Variants in DCLK1 observed in about 807,000 individuals in gnomAD.
The protein encoded by DCLK1 is serine/threonine-protein kinase DCLK1.
Under a neutral mutation model 86.2 loss-of-function variants are expected in DCLK1, and 16 were observed. The observed-to-expected ratio is 0.19, with a 90% CI of 0.13 to 0.28. The LOEUF (loss-of-function observed/expected upper bound fraction) is 0.28. Ranked by LOEUF, DCLK1 falls within the 10% of genes least tolerant of loss-of-function variation. The pLI is 1.00. For missense variants in DCLK1, 590 were observed against 940.2 expected, an observed-to-expected ratio of 0.63 and a Z score of 4.87; for synonymous variants, 369 against 370.5, an observed-to-expected ratio of 1.00 and a Z score of 0.05.
rs57621661 is a variant in DCLK1, at chr13:35,772,312, T to C, written c.*2223A>G. The stretch of plus-strand genomic sequence containing the variant: ...ACCGCAGGCTCAGTACACTAGATGC[T>C]GTAGCAATATAGTTAATGCCCACAG... On this transcript the variant is annotated 3_prime_UTR_variant, in exon 17 of 17. Coordinates refer to ENST00000360631, the MANE Select transcript of DCLK1 (RefSeq NM_001330071.2). 1.3e-5 allele frequency: 2 copies of C among 152,246 alleles called. No homozygotes were observed. Among genetic ancestry groups the C allele is most frequent in the East Asian group, 3.9e-4 (2 of 5,162 alleles). 9.4% of individuals were successfully genotyped at this position (152,246 alleles called of 1,614,324 possible).
chr13:35,786,438 T>C (rs1186701209), intron 16 of DCLK1, among the ~76,000 whole-genome samples: 2 of 152,202 alleles, frequency 1.3e-5, no homozygotes, highest in African/African-American at 4.8e-5. Flanking sequence ...ATTCGATTTC[T>C]ATAGAGTACA....
intron 6 of DCLK1, among the ~76,000 whole-genome samples, chr13:35,844,495 T>C (rs1283987337): frequency 1.3e-5 from 2 of 152,180 alleles, no homozygotes; most frequent in Non-Finnish European, 2.9e-5. Context: ...GAACCATTTG[T>C]CCCAAGGAGA....
chr13:35,833,831 C>T (rs1196594384), intron 8 of DCLK1, among the ~76,000 whole-genome samples: 1 of 152,142 alleles, frequency 6.6e-6, no homozygotes, highest in Non-Finnish European at 1.5e-5. Flanking sequence ...AGGGCACATG[C>T]CATATGTCCT....
intron 2 of DCLK1, among the ~76,000 whole-genome samples, chr13:36,122,264 G>C (rs1886019359): frequency 6.6e-6 from 1 of 152,096 alleles, no homozygotes; most frequent in East Asian, 1.9e-4. Context: ...TATGCAAACT[G>C]CAGCTCCAGA....
chr13:35,868,635 A>C (rs2153114161), intron 5 of DCLK1, among the ~76,000 whole-genome samples: 1 of 152,266 alleles, frequency 6.6e-6, no homozygotes, highest in Non-Finnish European at 1.5e-5. Context: ...ACTAATTGAT[A>C]CGGTTTCATT....
intron 16 of DCLK1, among the ~76,000 whole-genome samples, chr13:35,790,573 C>T (rs1436020152): frequency 1.3e-5 from 2 of 151,942 alleles, no homozygotes; most frequent in Non-Finnish European, 2.9e-5. Context: ...CTGGGGAGAG[C>T]GTATATACCT....
intron 14 of DCLK1, among the ~76,000 whole-genome samples, chr13:35,807,182 T>C (rs949003743): frequency 6.6e-6 from 1 of 152,238 alleles, no homozygotes; most frequent in African/African-American, 2.4e-5. Flanking sequence ...GTAAGATTTT[T>C]ATAGCCTTCT....
chr13:35,886,171 C>T (rs909977518), intron 4 of DCLK1, among the ~76,000 whole-genome samples: 2 of 152,020 alleles, frequency 1.3e-5, no homozygotes, highest in Non-Finnish European at 2.9e-5. Context: ...GCCACCATGC[C>T]TGGCTAATTT....
rs191339513 is a variant in DCLK1, at chr13:36,077,434, C to G, written c.723+34435G>C. Among the ~76,000 whole-genome samples, 515 of 152,240 alleles carry G rather than the reference C, an allele frequency of 3.4e-3. 2 individuals are homozygous for G. The highest frequency in any genetic ancestry group is 5.7e-3 in the Non-Finnish European group (390 of 68,036). On this transcript the variant is annotated intron_variant, in intron 3 of 16. Coordinates refer to ENST00000360631, the MANE Select transcript of DCLK1 (RefSeq NM_001330071.2). ...TCCCCCTGGAAATGGGTCACAGAGG[C>G]AGTTTGGCAATTTTTGTTAAGAGGG...
intron 2 of DCLK1, among the ~76,000 whole-genome samples, chr13:36,119,804 A>C (rs1054496074): frequency 4.6e-5 from 7 of 152,210 alleles, no homozygotes; most frequent in Non-Finnish European, 1.0e-4. Flanking sequence ...TGATTCTGGA[A>C]TGAAAAAAGG....
intron 3 of DCLK1, among the ~76,000 whole-genome samples, chr13:35,956,234 G>A (rs1376570128): frequency 6.6e-6 from 1 of 152,170 alleles, no homozygotes; most frequent in African/African-American, 2.4e-5. Context: ...GAGTGTTCAA[G>A]ATTAAGGGTG....
chr13:36,127,633 A>C (rs950105037), intron 1 of DCLK1, among the ~76,000 whole-genome samples: 5 of 152,198 alleles, frequency 3.3e-5, no homozygotes, highest in Non-Finnish European at 7.3e-5. Context: ...TTTTATTAAT[A>C]AAATCTGTTT....
intron 15 of DCLK1, among the ~76,000 whole-genome samples, chr13:35,795,116 C>A (rs1288429669): frequency 1.3e-5 from 2 of 152,164 alleles, no homozygotes; most frequent in Admixed American, 6.5e-5. Context: ...GGAGAAAGGG[C>A]ATATTTTCTG....
At chr13:35,933,854 C>A (rs1240896715) in intron 4 of DCLK1, among the ~76,000 whole-genome samples, 1 of 152,226 alleles carries the variant, frequency 6.6e-6, no homozygotes, top group African/African-American at 2.4e-5. Context: ...GTTACTTATG[C>A]AAATTTCTGC....
chr13:35,920,012 G>A (rs1321820713), intron 4 of DCLK1, among the ~76,000 whole-genome samples: 1 of 151,938 alleles, frequency 6.6e-6, no homozygotes, highest in Non-Finnish European at 1.5e-5. Context: ...TCCCCTTCAA[G>A]TCCACCTTTA....
chr13:36,051,895 G>T (rs2153157285), intron 3 of DCLK1, among the ~76,000 whole-genome samples: 1 of 152,200 alleles, frequency 6.6e-6, no homozygotes, highest in South Asian at 2.1e-4. Context: ...AATAAAAGAA[G>T]AACCTTAGAA....
At chr13:35,981,475 C>G (rs930781517) in intron 3 of DCLK1, among the ~76,000 whole-genome samples, 2 of 152,088 alleles carry the variant, frequency 1.3e-5, no homozygotes, top group Non-Finnish European at 2.9e-5. Flanking sequence ...ACTGATGAAC[C>G]TACATTGCCA....
intron 15 of DCLK1, among the ~76,000 whole-genome samples, chr13:35,801,344 T>C (rs2086914772): frequency 6.6e-6 from 1 of 152,234 alleles, no homozygotes. Context: ...TTTTAACAAT[T>C]GATTATTTTC....
chr13:35,882,704 T>C (rs1872988938), intron 4 of DCLK1, among the ~76,000 whole-genome samples: 1 of 151,996 alleles, frequency 6.6e-6, no homozygotes, highest in Non-Finnish European at 1.5e-5. Flanking sequence ...AATTCCCCAA[T>C]ACTGCCACCT....
Sources: gnomAD v4.1 joint callset for allele counts (sites outside exome capture counted in the v4.1 genomes callset) on GRCh38, gnomAD v4.1.1 for gene constraint, MANE v1.5 for transcripts, NCBI Gene and HGNC (gene_info 2026-07-23, HGNC 2026-07-21) for gene names.